Variants in GGTA1 observed in about 807,000 individuals in gnomAD.
GGTA1 encodes the protein inactive N-acetyllactosaminide alpha-1,3-galactosyltransferase.
Under a neutral mutation model 2.6 loss-of-function variants are expected in GGTA1, and 5 were observed. That is an observed-to-expected ratio of 1.92 (90% confidence interval 1.00 to 4.04). The LOEUF is 4.04. Ranked by LOEUF, GGTA1 falls within the 30% of genes most tolerant of loss-of-function variation. The probability of loss-of-function intolerance (pLI) is 0.00; values close to 1 mark genes in which losing one functional copy is unlikely to be tolerated. For missense variants in GGTA1, 50 were observed against 16.7 expected, an observed-to-expected ratio of 2.99 and a Z score of -3.47; for synonymous variants, 17 against 5.0, an observed-to-expected ratio of 3.38 and a Z score of -3.19.
chr9:121,496,771 C>T (rs1032487082), intron 1 of GGTA1, among the ~76,000 whole-genome samples: 2 of 114,594 alleles, frequency 1.7e-5, no homozygotes, highest in African/African-American at 3.0e-5. Flanking sequence ...GAGAGAGAAT[C>T]GCTTGAATGA....
At chr9:121,487,178 C>T (rs769807210) in intron 1 of GGTA1, among the ~76,000 whole-genome samples, 3 of 152,106 alleles carry the variant, frequency 2.0e-5, no homozygotes, top group Non-Finnish European at 4.4e-5. Context: ...CCCAGTTTGC[C>T]CCAGAGGGGA....
downstream of GGTA1, among the ~76,000 whole-genome samples, chr9:121,453,817 C>A (rs767187059): frequency 1.3e-5 from 2 of 152,124 alleles, no homozygotes; most frequent in Admixed American, 6.5e-5. Flanking sequence ...TTTCCCACAG[C>A]GAGGCTGATA....
chr9:121,497,464 T>C (rs902633747), intron 1 of GGTA1, among the ~76,000 whole-genome samples: 4 of 152,090 alleles, frequency 2.6e-5, no homozygotes, highest in African/African-American at 9.7e-5. Flanking sequence ...TGCATTCAAA[T>C]CCTAGCTGCC....
intron 1 of GGTA1, among the ~76,000 whole-genome samples, chr9:121,491,303 T>C (rs1336686571): frequency 6.6e-6 from 1 of 152,248 alleles, no homozygotes; most frequent in Non-Finnish European, 1.5e-5. Context: ...GTCAGGCAGC[T>C]GCTTCTCTGC....
Position 121,468,001 on chromosome 9 carries a change from A to G in GGTA1, c.-9-70T>C, listed in dbSNP as rs1186109373. On this transcript the variant is annotated intron_variant, in intron 1 of 5. Coordinates refer to ENST00000481799, the MANE Select transcript of GGTA1 (RefSeq NM_001382585.1). Reference sequence around the variant, plus strand: ...CAATGAACTTCAAGAGGCAGTTTTTAAAAAATGCTTTTACCCCGTTCTTTT... The same window carrying G: ...CAATGAACTTCAAGAGGCAGTTTTTGAAAAATGCTTTTACCCCGTTCTTTT... 5 of 425,162 alleles carry G rather than the reference A, an allele frequency of 1.2e-5. No homozygotes were observed. In the East Asian group the frequency reaches 3.5e-4, roughly 30 times the overall value. The allele number at this position is 425,162 out of a possible 1,614,324, so 26.3% of individuals were successfully genotyped here.
At position 121,476,059 on chromosome 9, in the gene GGTA1, A is replaced by C. The variant is rs1034581800; in HGVS notation, c.-9-8128T>G. On this transcript the variant is annotated intron_variant, in intron 1 of 5. Coordinates refer to ENST00000481799, the MANE Select transcript of GGTA1 (RefSeq NM_001382585.1). The surrounding 1 kb of genome is among the most constrained non-coding windows in gnomAD (Gnocchi z 4.6). Reference sequence around the variant, plus strand: ...TGCCCATGGTCTGTTAATGCCCCCCACACAGTACCTATAATAATGATGATG... The same window carrying C: ...TGCCCATGGTCTGTTAATGCCCCCCCCACAGTACCTATAATAATGATGATG... Among the ~76,000 whole-genome samples the C allele has an allele frequency of 5.3e-5, 8 of 152,266 alleles. No homozygotes were observed. The highest frequency in any genetic ancestry group is 2.1e-4 in the South Asian group (1 of 4,828).
intron 1 of GGTA1, among the ~76,000 whole-genome samples, chr9:121,480,867 T>G (rs557106585): frequency 8.7e-4 from 133 of 152,060 alleles, no homozygotes; most frequent in African/African-American, 3.0e-3. Context: ...AGAATATTCA[T>G]AGTTGGCCGG....
intron 1 of GGTA1, among the ~76,000 whole-genome samples, chr9:121,486,314 A>AC (rs548995451): frequency 6.6e-5 from 10 of 152,172 alleles, no homozygotes; most frequent in Non-Finnish European, 1.5e-4. Flanking sequence ...ATCTGGCTGG[A>AC]CCACCTACAC....
At chr9:121,497,553 G>A (rs1829019785) in intron 1 of GGTA1, among the ~76,000 whole-genome samples, 2 of 152,088 alleles carry the variant, frequency 1.3e-5, no homozygotes, top group South Asian at 2.1e-4. Flanking sequence ...GTTAGCCTGA[G>A]GGGCTGCTCA....
At chr9:121,461,178 G>T (rs2064957803) in intron 4 of GGTA1, 74 bp downstream of exon 4, 1 of 415,618 alleles carries the variant, frequency 2.4e-6, no homozygotes, top group Admixed American at 3.2e-5. Flanking sequence ...TCATGAACAT[G>T]AAACCATTGT....
intron 1 of GGTA1, among the ~76,000 whole-genome samples, chr9:121,488,097 A>ATG (rs1024351765): frequency 1.0e-4 from 14 of 139,306 alleles, no homozygotes; most frequent in East Asian, 8.4e-4. Context: ...CAGGTTGTGG[A>ATG]TGTGTGTGTG....
At chr9:121,451,330 C>T (rs1217604609), downstream of GGTA1, among the ~76,000 whole-genome samples, 1 of 152,166 alleles carries the variant, frequency 6.6e-6, no homozygotes, top group Non-Finnish European at 1.5e-5. Context: ...AGACTACAGG[C>T]ATGTGCCACC....
At chr9:121,486,190 T>C (rs1418374989) in intron 1 of GGTA1, among the ~76,000 whole-genome samples, 1 of 152,210 alleles carries the variant, frequency 6.6e-6, no homozygotes, top group African/African-American at 2.4e-5. Flanking sequence ...GAGTGGCCCA[T>C]TTCTCTGCTG....
chr9:121,460,782 T>C (rs909169345), intron 4 of GGTA1, among the ~76,000 whole-genome samples: 3 of 149,820 alleles, frequency 2.0e-5, no homozygotes, highest in African/African-American at 7.4e-5. Context: ...GAGGTGGAGG[T>C]TGTAGTGAGC....
chr9:121,481,776 C>A (rs1235980799), intron 1 of GGTA1, among the ~76,000 whole-genome samples: 1 of 150,002 alleles, frequency 6.7e-6, no homozygotes, highest in Non-Finnish European at 1.5e-5. Context: ...GCGGGTGGAT[C>A]ACCTGAGGTC....
chr9:121,474,131 G>A (rs1266981020), intron 1 of GGTA1, among the ~76,000 whole-genome samples: 1 of 152,188 alleles, frequency 6.6e-6, no homozygotes, highest in Non-Finnish European at 1.5e-5. Context: ...TGTCTTAAGT[G>A]GGAGAGTGGA....
chr9:121,461,908 G>C (rs964738143), intron 3 of GGTA1, among the ~76,000 whole-genome samples: 4 of 152,224 alleles, frequency 2.6e-5, no homozygotes, highest in Non-Finnish European at 4.4e-5. Context: ...TTGCCCAAAG[G>C]TTAGCAGTAA....
At chr9:121,478,928 A>C (rs563168682) in intron 1 of GGTA1, 1 of 389,284 alleles carries the variant, frequency 2.6e-6, no homozygotes, top group East Asian at 7.1e-5. Context: ...GCCTCCATCC[A>C]TAACTTCACC....
chr9:121,470,885 A>G (rs1828373603), intron 1 of GGTA1, among the ~76,000 whole-genome samples: 1 of 152,242 alleles, frequency 6.6e-6, no homozygotes, highest in Non-Finnish European at 1.5e-5. Context: ...AGTAATAATA[A>G]AACTTCAGTC....
Sources: allele counts gnomAD v4.1 joint callset (sites outside exome capture counted in the v4.1 genomes callset), GRCh38; gene constraint gnomAD v4.1.1; non-coding constraint Gnocchi (gnomAD v3.1); transcripts MANE v1.5; gene names NCBI Gene and HGNC (gene_info 2026-07-23, HGNC 2026-07-21).